Variants in INPP5D observed in about 807,000 individuals in gnomAD.
INPP5D encodes the protein phosphatidylinositol 3,4,5-trisphosphate 5-phosphatase 1.
INPP5D carries 33 observed loss-of-function variants against 122.9 expected under a neutral mutation model. The ratio of observed to expected loss-of-function variants is 0.27; its 90% CI spans 0.20 to 0.36. The LOEUF is 0.36. INPP5D is among the 10% of genes least tolerant of loss of function. INPP5D has a pLI of 1.00. For synonymous variants in INPP5D, 584 were observed against 576.2 expected, an observed-to-expected ratio of 1.01 and a Z score of -0.19; for missense variants, 1,053 against 1,412.7, an observed-to-expected ratio of 0.75 and a Z score of 4.08.
chr2:233,116,267 A>G (rs1574739193), intron 2 of INPP5D, among the ~76,000 whole-genome samples: 1 of 150,788 alleles, frequency 6.6e-6, no homozygotes, highest in South Asian at 2.1e-4. Context: ...AGATATAGAT[A>G]TAGATATAGA....
At chr2:233,114,273 G>A (rs1413550513) in intron 2 of INPP5D, among the ~76,000 whole-genome samples, 1 of 152,236 alleles carries the variant, frequency 6.6e-6, no homozygotes, top group East Asian at 1.9e-4. Flanking sequence ...AGACACCCAT[G>A]CTCTGACCTT....
intron 24 of INPP5D, 40 bp from the exon 25 acceptor site, chr2:233,198,055 G>A: frequency 6.6e-7 from 1 of 1,515,352 alleles, no homozygotes; most frequent in South Asian, 1.3e-5. Context: ...CCCGAGAAGG[G>A]AAGGGACCCC....
intron 20 of INPP5D, 137 bp from the exon 21 acceptor site, chr2:233,185,706 C>T (rs984190480): frequency 1.8e-5 from 19 of 1,049,836 alleles, no homozygotes; most frequent in Non-Finnish European, 2.3e-5. Context: ...GATGCTGAGG[C>T]CCCGAGATAA....
intron 5 of INPP5D, among the ~76,000 whole-genome samples, chr2:233,136,668 T>G (rs1693474764): frequency 6.6e-6 from 1 of 152,176 alleles, no homozygotes; most frequent in Non-Finnish European, 1.5e-5. Context: ...TGCAAGGCAC[T>G]GTTCCAGGAG....
chr2:233,102,191 T>C (rs1474045897), intron 2 of INPP5D, among the ~76,000 whole-genome samples: 2 of 152,154 alleles, frequency 1.3e-5, no homozygotes, highest in African/African-American at 2.4e-5. Context: ...TGACATGGTG[T>C]TTTAAAACTT....
chr2:233,118,915 C>T (rs1278079228), intron 2 of INPP5D, among the ~76,000 whole-genome samples: 1 of 152,230 alleles, frequency 6.6e-6, no homozygotes, highest in African/African-American at 2.4e-5. Context: ...TTTGCCAGAC[C>T]CTGGCTCCCT....
rs1695219503 is a variant in INPP5D at position 233,197,680 on chromosome 2, A to G, written c.2694-415A>G. Among the ~76,000 whole-genome samples, 1 of 152,186 alleles carries G rather than the reference A, an allele frequency of 6.6e-6. No homozygotes were observed. The highest frequency in any genetic ancestry group is 1.5e-5 in the Non-Finnish European group (1 of 68,026). On this transcript the variant is annotated intron_variant, in intron 24 of 26. Coordinates refer to ENST00000445964, the MANE Select transcript of INPP5D (RefSeq NM_001017915.3). This position sits in a 1 kb window ranked among gnomAD's most constrained non-coding sequence, Gnocchi z 4.4. ...ATCTCAGATGAAAGACCACCTCCTC[A>G]GATGGGGCCTCCTGGGGTCACCCAA...
chr2:233,206,850 T>C lies in INPP5D; in HGVS notation c.*142T>C, dbSNP rs1695519834. ...TGTTTTCAGGAAAGGGCCTAGCTTC[T>C]GTGTGGCCCACAGAGTTCACTGCCT... On this transcript the variant is annotated 3_prime_UTR_variant, in exon 27 of 27. Coordinates refer to ENST00000445964, the MANE Select transcript of INPP5D (RefSeq NM_001017915.3). The surrounding 1 kb of genome is among the most constrained non-coding windows in gnomAD (Gnocchi z 4.0). 1.5e-6 allele frequency: 1 copy of C among 678,320 alleles called. No individual in the cohort carries two copies. Among genetic ancestry groups the C allele is most frequent in the South Asian group, 1.6e-5 (1 of 64,406 alleles). 42.0% of individuals were successfully genotyped at this position (678,320 alleles called of 1,614,324 possible).
chr2:233,117,052 C>T (rs143690915), intron 2 of INPP5D, among the ~76,000 whole-genome samples: 2 of 152,214 alleles, frequency 1.3e-5, no homozygotes, highest in African/African-American at 2.4e-5. Context: ...CAGAAATCCA[C>T]GTGTCCGAGG....
chr2:233,157,350 G>T (rs538926944), intron 9 of INPP5D, among the ~76,000 whole-genome samples: 3 of 152,232 alleles, frequency 2.0e-5, no homozygotes, highest in African/African-American at 7.2e-5. Flanking sequence ...TCTGGGAAAG[G>T]CTCCCTCAGG....
chr2:233,135,089 TA>T (rs56329944), intron 5 of INPP5D, among the ~76,000 whole-genome samples: 29 of 148,680 alleles, frequency 2.0e-4, no homozygotes, highest in Admixed American at 1.5e-3. Flanking sequence ...ATGTATACAA[TA>T]AAAAAAAAAA....
intron 9 of INPP5D, among the ~76,000 whole-genome samples, chr2:233,155,636 AAATAAATAAATAAATAAATAAAT>A (rs1325641972): frequency 5.6e-3 from 74 of 13,292 alleles, no homozygotes; most frequent in South Asian, 9.6e-3. Context: ...ATAAATAAAT[AAATAAATAAATAAATAAATAAAT>A]AATAAATAAA....
intron 13 of INPP5D, among the ~76,000 whole-genome samples, chr2:233,168,007 A>G (rs1255533219): frequency 1.9e-4 from 5 of 26,586 alleles, no homozygotes; most frequent in African/African-American, 3.1e-4. Flanking sequence ...TCTGTCTCCA[A>G]AAAAAAAAAA....
intron 13 of INPP5D, among the ~76,000 whole-genome samples, chr2:233,166,206 C>T (rs1694334601): frequency 6.6e-6 from 1 of 152,152 alleles, no homozygotes; most frequent in Non-Finnish European, 1.5e-5. Context: ...CCTGGGCTTC[C>T]AGTCCCTCCC....
intron 5 of INPP5D, among the ~76,000 whole-genome samples, chr2:233,138,728 A>ATTTTATTTTTAT (rs148927527): frequency 6.7e-6 from 1 of 149,612 alleles, no homozygotes; most frequent in African/African-American, 2.5e-5. Context: ...GGTTTTATTT[A>ATTTTATTTTTAT]TTTTATTTTT....
At chr2:233,179,688 G>C (rs1484140324) in intron 18 of INPP5D, among the ~76,000 whole-genome samples, 1 of 152,182 alleles carries the variant, frequency 6.6e-6, no homozygotes, top group Non-Finnish European at 1.5e-5. Context: ...TTTTGCTAAT[G>C]ATATTTCATT....
chr2:233,176,058 A>G (rs1318148926), intron 17 of INPP5D, among the ~76,000 whole-genome samples: 3 of 152,212 alleles, frequency 2.0e-5, no homozygotes, highest in African/African-American at 7.2e-5. Flanking sequence ...TGACAGAGAT[A>G]AGCTCTTTCA....
chr2:233,195,503 G>A lies in INPP5D; in HGVS notation c.2693+8G>A, dbSNP rs751075514. On this transcript the variant is annotated splice_region_variant and intron_variant, in intron 24 of 26. Coordinates refer to ENST00000445964, the MANE Select transcript of INPP5D (RefSeq NM_001017915.3). ...GTGGGAAGTCACTAGCAGGTAAAGT[G>A]GGCGTGGGGTGGGTGTTGGGGGGGG... 1.3e-5 allele frequency: 21 copies of A among 1,613,418 alleles called. No individual in the cohort carries two copies. The highest frequency in any genetic ancestry group is 4.5e-5 in the East Asian group (2 of 44,884).
chr2:233,127,056 C>T (rs1693183185), intron 4 of INPP5D, among the ~76,000 whole-genome samples: 1 of 152,234 alleles, frequency 6.6e-6, no homozygotes, highest in African/African-American at 2.4e-5. Flanking sequence ...CTGCTGACCT[C>T]TCCTACTAAG....
Sources: allele counts gnomAD v4.1 joint callset (sites outside exome capture counted in the v4.1 genomes callset), GRCh38; gene constraint gnomAD v4.1.1; non-coding constraint Gnocchi (gnomAD v3.1); transcripts MANE v1.5; gene names NCBI Gene and HGNC (gene_info 2026-07-23, HGNC 2026-07-21).